KLF12: variants seen among roughly 807,000 people sequenced by gnomAD.
The protein encoded by KLF12 is Krueppel-like factor 12.
In KLF12, 9 loss-of-function variants were observed where a neutral mutation model predicts 37.8. The observed-to-expected ratio is 0.24, with a 90% CI of 0.14 to 0.42. KLF12 has a LOEUF of 0.42. Ranked by LOEUF, KLF12 falls within the 10% of genes least tolerant of loss-of-function variation. KLF12 has a pLI of 1.00. For missense variants in KLF12, 411 were observed against 516.0 expected, an observed-to-expected ratio of 0.80 and a Z score of 1.97; for synonymous variants, 208 against 202.1, an observed-to-expected ratio of 1.03 and a Z score of -0.25.
chr13:73,827,018 T>A (rs11841862), intron 4 of KLF12, among the ~76,000 whole-genome samples: 2 of 152,202 alleles, frequency 1.3e-5, no homozygotes. Flanking sequence ...TGGGCTTAAG[T>A]GATCTGCCCA....
chr13:73,976,308 G>A (rs1407317377), intron 2 of KLF12, among the ~76,000 whole-genome samples: 1 of 152,050 alleles, frequency 6.6e-6, no homozygotes, highest in Non-Finnish European at 1.5e-5. Flanking sequence ...TTAGGAGCAC[G>A]CCCCTCTGGA....
chr13:73,753,098 A>C (rs1878897203), intron 6 of KLF12, among the ~76,000 whole-genome samples: 2 of 151,814 alleles, frequency 1.3e-5, no homozygotes, highest in Non-Finnish European at 2.9e-5. Flanking sequence ...TGCCAGACTA[A>C]GCCTGAAACA....
chr13:73,707,408 T>G (rs1024239942), intron 7 of KLF12, among the ~76,000 whole-genome samples: 2 of 152,120 alleles, frequency 1.3e-5, no homozygotes, highest in East Asian at 3.8e-4. Context: ...GGACTTCAAG[T>G]TTGGTGATAT....
At chr13:73,870,010 T>C (rs1886388552) in intron 3 of KLF12, among the ~76,000 whole-genome samples, 1 of 152,214 alleles carries the variant, frequency 6.6e-6, no homozygotes, top group African/African-American at 2.4e-5. Flanking sequence ...GAACATTCTT[T>C]GAATCTCTCA....
At chr13:74,138,955 A>G in the KLF12 span, among the ~76,000 whole-genome samples, 1 of 152,190 alleles carries the variant, frequency 6.6e-6, no homozygotes, top group Non-Finnish European at 1.5e-5. Context: ...CGATTCCTGC[A>G]TACCCCACAT....
At chr13:74,241,557 T>C in the KLF12 span, among the ~76,000 whole-genome samples, 70 of 151,918 alleles carry the variant, frequency 4.6e-4, 1 homozygote, top group Non-Finnish European at 7.2e-4. Context: ...CTGCCGCTGC[T>C]GCCTTGCAGT....
chr13:73,728,766 G>A (rs575875418), intron 6 of KLF12, among the ~76,000 whole-genome samples: 1 of 152,256 alleles, frequency 6.6e-6, no homozygotes, highest in Admixed American at 6.5e-5. Context: ...CCCTTCTCAT[G>A]GTAGGTAATC....
intron 1 of KLF12, among the ~76,000 whole-genome samples, chr13:74,071,805 T>C (rs1279034361): frequency 6.6e-6 from 1 of 152,182 alleles, no homozygotes. Context: ...GGCAACCCCA[T>C]CATGAAGCTA....
chr13:74,259,573 G>T, the KLF12 span: 1 of 152,130 alleles, frequency 6.6e-6, no homozygotes, highest in Non-Finnish European at 1.5e-5. Context: ...AGATTGACTT[G>T]CATGCCCCTC....
the KLF12 span, among the ~76,000 whole-genome samples, chr13:74,207,494 T>A: frequency 0.089 from 13,525 of 152,064 alleles, 1,734 homozygotes; most frequent in African/African-American, 0.28. Flanking sequence ...GTCAAGATGG[T>A]GAAACCCCGT....
At chr13:73,790,386 G>T (rs972127024) in intron 5 of KLF12, among the ~76,000 whole-genome samples, 7 of 151,930 alleles carry the variant, frequency 4.6e-5, no homozygotes. Context: ...ATCTACATCA[G>T]TCTGCTTTGG....
intron 2 of KLF12, among the ~76,000 whole-genome samples, chr13:73,984,121 G>C (rs1555331352): frequency 6.6e-6 from 1 of 152,174 alleles, no homozygotes; most frequent in Non-Finnish European, 1.5e-5. Flanking sequence ...AGCAGGTAGA[G>C]CTGCAAGTGA....
Position 73,691,679 on chromosome 13 carries a change from C to T in KLF12, c.*3811G>A, listed in dbSNP as rs1194149346. ...AGGCGTATTAATACATTTTGAAGGC[C>T]TCACCTCACCAGATTTATTCAGTTG... is the stretch of plus-strand genomic sequence containing the variant. On this transcript the variant is annotated 3_prime_UTR_variant, in exon 8 of 8. Coordinates refer to ENST00000377669, the MANE Select transcript of KLF12 (RefSeq NM_007249.5). The T allele has an allele frequency of 1.3e-5, 2 of 152,558 alleles. No individual in the cohort carries two copies. Among genetic ancestry groups the T allele is most frequent in the Non-Finnish European group, 2.9e-5 (2 of 68,010 alleles). The allele number at this position is 152,558 out of a possible 1,614,324, so 9.5% of individuals were successfully genotyped here.
chr13:73,922,875 C>G (rs915093225), intron 3 of KLF12, among the ~76,000 whole-genome samples: 1 of 152,158 alleles, frequency 6.6e-6, no homozygotes, highest in Non-Finnish European at 1.5e-5. Context: ...TTAGCACAGA[C>G]TGAATATTAA....
In KLF12 at chr13:73,991,155, C is replaced by T. The variant is rs139677611; in HGVS notation, c.33+3835G>A. Among the ~76,000 whole-genome samples, 194 of 152,072 alleles carry T rather than the reference C, an allele frequency of 1.3e-3. 2 individuals are homozygous for T. The highest frequency in any genetic ancestry group is 4.4e-3 in the African/African-American group (184 of 41,464). The stretch of plus-strand genomic sequence containing the variant: ...GTAAAAGGAGTGACCCAATTCAAGA[C>T]GATATTTTAATAAATACTATGATAC... On this transcript the variant is annotated intron_variant, in intron 2 of 7. Transcript: ENST00000377669.
intron 4 of KLF12, among the ~76,000 whole-genome samples, chr13:73,841,539 T>C (rs1884734276): frequency 6.6e-6 from 1 of 152,144 alleles, no homozygotes; most frequent in Non-Finnish European, 1.5e-5. Flanking sequence ...TTTCCTTCTA[T>C]TAAATATTGG....
At chr13:73,916,208 TAC>T (rs67011700) in intron 3 of KLF12, among the ~76,000 whole-genome samples, 31,474 of 109,582 alleles carry the variant, frequency 0.29, 3,383 homozygotes, top group Non-Finnish European at 0.33. Flanking sequence ...AGCTAATACT[TAC>T]ACACACACAC....
At chr13:73,793,602 T>C (rs894519413) in intron 5 of KLF12, among the ~76,000 whole-genome samples, 5 of 152,232 alleles carry the variant, frequency 3.3e-5, no homozygotes, top group African/African-American at 7.2e-5. Context: ...AGTACAACTA[T>C]TGTCTTCATG....
the KLF12 span, among the ~76,000 whole-genome samples, chr13:74,207,457 C>G: frequency 6.6e-6 from 1 of 152,034 alleles, no homozygotes; most frequent in Non-Finnish European, 1.5e-5. Flanking sequence ...GGGTGGATCA[C>G]AAGGTTAGGA....
Sources: allele counts gnomAD v4.1 joint callset (sites outside exome capture counted in the v4.1 genomes callset), GRCh38; gene constraint gnomAD v4.1.1; transcripts MANE v1.5; gene names NCBI Gene and HGNC (gene_info 2026-07-23, HGNC 2026-07-21).